ITK: variants seen among roughly 807,000 people sequenced by gnomAD.
ITK encodes the protein tyrosine-protein kinase ITK/TSK.
ITK carries 45 observed loss-of-function variants against 87.6 expected under a neutral mutation model. The ratio of observed to expected loss-of-function variants is 0.51; its 90% CI spans 0.40 to 0.66. The LOEUF (loss-of-function observed/expected upper bound fraction) is 0.66, where lower values mean the gene tolerates loss of function less well. ITK is among the 30% of genes least tolerant of loss of function. The probability of loss-of-function intolerance (pLI) is 0.00; values close to 1 mark genes in which losing one functional copy is unlikely to be tolerated. For synonymous variants in ITK, 303 were observed against 273.6 expected (o/e 1.11, Z -1.06); for missense variants, 605 against 766.3 (o/e 0.79, Z 2.48).
At chr5:157,186,709 A>C (rs2434974) in intron 1 of ITK, among the ~76,000 whole-genome samples, 21,812 of 149,834 alleles carry the variant, frequency 0.15, 1,802 homozygotes, top group African/African-American at 0.22. Context: ...AGAGAGAGAG[A>C]GCCTTGGCAA....
At chr5:157,225,462 G>A (rs1268442403) in intron 6 of ITK, among the ~76,000 whole-genome samples, 1 of 150,582 alleles carries the variant, frequency 6.6e-6, no homozygotes, top group Non-Finnish European at 1.5e-5. Context: ...TCAATCTGAT[G>A]GGTTAAAAAA....
In ITK at chr5:157,211,163, T is replaced by A; in HGVS notation, c.244-124T>A. On this transcript the variant is annotated intron_variant, in intron 2 of 16. Transcript: ENST00000422843. Reference sequence around the variant, plus strand: ...ATAAAAAGGATACTGGCCCCCTAATTACCCAAATGTTTGCCTATATGACGA... The same window carrying A: ...ATAAAAAGGATACTGGCCCCCTAATAACCCAAATGTTTGCCTATATGACGA... 1.3e-5 allele frequency: 10 copies of A among 790,578 alleles called. No homozygotes were observed. In the East Asian group the frequency reaches 2.5e-4, roughly 20 times the overall value. 49.0% of individuals were successfully genotyped at this position (790,578 alleles called of 1,614,324 possible).
chr5:157,249,127 GCAA>G, intron 16 of ITK, 120 bp downstream of exon 16: 1 of 848,792 alleles, frequency 1.2e-6, no homozygotes, highest in Non-Finnish European at 2.0e-6. Flanking sequence ...ATATAGATTA[GCAA>G]CAACATGACT....
At position 157,243,751 on chromosome 5, in the gene ITK, G is replaced by A. The variant is rs1289799228; in HGVS notation, c.1189G>A (p.Ala397Thr). Residue 397 changes from alanine (A) to threonine (T), a missense_variant, in exon 12 of 17, where the codon GCT becomes ACT. Transcript: ENST00000422843. ...GGCTATCAAAACCATTCGGGAAGGG[G>A]CTATGTCAGAAGAGGACTTCATAGA... is the stretch of plus-strand genomic sequence containing the variant. ...KVAIKTIREG[A>T]MSEEDFIEEA... The A allele has an allele frequency of 6.2e-7, 1 of 1,614,050 alleles. No homozygotes were observed. The highest frequency in any genetic ancestry group is 1.3e-5 in the African/African-American group (1 of 75,002).
chr5:157,192,932 A>G (rs1327362525), intron 1 of ITK, among the ~76,000 whole-genome samples: 1 of 152,220 alleles, frequency 6.6e-6, no homozygotes, highest in Non-Finnish European at 1.5e-5. Flanking sequence ...TTCCAGTTCA[A>G]AAACATGGAA....
chr5:157,221,175 C>T (rs978974862), intron 5 of ITK, among the ~76,000 whole-genome samples: 10 of 151,202 alleles, frequency 6.6e-5, no homozygotes, highest in Non-Finnish European at 1.0e-4. Flanking sequence ...ATGAAATAGT[C>T]GAATTCTTGC....
chr5:157,208,448 GA>G (rs904201486), intron 1 of ITK, among the ~76,000 whole-genome samples: 3 of 150,792 alleles, frequency 2.0e-5, no homozygotes, highest in East Asian at 1.9e-4. Flanking sequence ...GCCAGAGGCA[GA>G]AAAAAAAAGG....
rs142450307 is a variant in ITK at position 157,208,505 on chromosome 5, A to G, written c.139-384A>G. The stretch of plus-strand genomic sequence containing the variant: ...ACAATCCAGGTCGGGTCCGAGCTCA[A>G]TTACTATGCTAATATGGTCATGGAT... On this transcript the variant is annotated intron_variant, in intron 1 of 16. Coordinates refer to ENST00000422843, the MANE Select transcript of ITK (RefSeq NM_005546.4). Among the ~76,000 whole-genome samples, 328 of 152,346 alleles carry G rather than the reference A, an allele frequency of 2.2e-3. 2 individuals are homozygous for G. The highest frequency in any genetic ancestry group is 7.5e-3 in the African/African-American group (313 of 41,570).
At chr5:157,238,054 G>A (rs1236753664) in intron 8 of ITK, 55 bp from the exon 9 acceptor site, 2 of 1,306,036 alleles carry the variant, frequency 1.5e-6, no homozygotes, top group Non-Finnish European at 2.2e-6. Flanking sequence ...GGAGCTGGAG[G>A]CATAAGCCTG....
rs1580869331 is a variant in ITK, at chr5:157,181,123, A to G, written c.138+8A>G. On this transcript the variant is annotated splice_region_variant and intron_variant, in intron 1 of 16. Coordinates refer to ENST00000422843, the MANE Select transcript of ITK (RefSeq NM_005546.4). ...TTTGAAGATCGTCATGGGGTATGTGAGCAGTTTCATTTGTCTTTTTTCGCA... is the reference window on the plus strand; with the variant it reads ...TTTGAAGATCGTCATGGGGTATGTGGGCAGTTTCATTTGTCTTTTTTCGCA... 1 of 1,613,982 alleles carries G rather than the reference A, an allele frequency of 6.2e-7. No individual in the cohort carries two copies. The highest frequency in any genetic ancestry group is 2.2e-5 in the East Asian group (1 of 44,884).
rs147523547 is a variant in ITK, at chr5:157,192,985, A to G, written c.138+11870A>G. ...AATACCAACACTTTGAGAGGTTGGC[A>G]TTACAGGATCTCTTGACGGCACGAG... On this transcript the variant is annotated intron_variant, in intron 1 of 16. Coordinates refer to ENST00000422843, the MANE Select transcript of ITK (RefSeq NM_005546.4). Among the ~76,000 whole-genome samples the G allele has an allele frequency of 4.6e-5, 7 of 152,314 alleles. No individual in the cohort carries two copies. The East Asian group carries it at 1.4e-3, about 29-fold the overall frequency.
chr5:157,214,457 G>T (rs1754256310), intron 4 of ITK, 138 bp downstream of exon 4: 1 of 748,832 alleles, frequency 1.3e-6, no homozygotes, highest in African/African-American at 1.7e-5. Context: ...GGAATCATCT[G>T]TCTTTCCTAC....
chr5:157,249,097 T>C, intron 16 of ITK, 90 bp downstream of exon 16: 1 of 1,139,054 alleles, frequency 8.8e-7, no homozygotes, highest in Non-Finnish European at 1.3e-6. Flanking sequence ...CTCAGAAGGA[T>C]GAGGCAGGAG....
At chr5:157,191,116 T>G (rs1437416346) in intron 1 of ITK, among the ~76,000 whole-genome samples, 3 of 145,756 alleles carry the variant, frequency 2.1e-5, no homozygotes, top group African/African-American at 8.0e-5. Flanking sequence ...TTGTCTTATG[T>G]TTTTTTATTT....
rs75633188 is a variant in ITK, at chr5:157,250,764, G to A, written c.1791+1757G>A. Among the ~76,000 whole-genome samples the A allele has an allele frequency of 2.9e-3, 442 of 152,068 alleles. 4 individuals carry two copies. The highest frequency in any genetic ancestry group is 1.0e-2 in the African/African-American group (414 of 41,504). On this transcript the variant is annotated intron_variant, in intron 16 of 16. Transcript: ENST00000422843. The stretch of plus-strand genomic sequence containing the variant: ...GCAATCAATCCACCTCAGGCCTCCC[G>A]TAGTGCTGGGATTATAAGTGTGAGT...
chr5:157,236,466 C>A (rs1483310732), intron 8 of ITK, among the ~76,000 whole-genome samples: 1 of 151,978 alleles, frequency 6.6e-6, no homozygotes, highest in Admixed American at 6.6e-5. Flanking sequence ...AGATATGTGC[C>A]CACAGGCAAA....
intron 9 of ITK, among the ~76,000 whole-genome samples, chr5:157,239,307 C>A (rs1754839567): frequency 6.6e-6 from 1 of 152,130 alleles, no homozygotes; most frequent in Non-Finnish European, 1.5e-5. Flanking sequence ...CACAAGCTTC[C>A]AAGAGTCCTC....
chr5:157,222,239 T>C (rs1754434579), intron 5 of ITK, among the ~76,000 whole-genome samples: 1 of 152,118 alleles, frequency 6.6e-6, no homozygotes, highest in Admixed American at 6.6e-5. Context: ...TTGTGGTCTT[T>C]TCTTCATGTC....
At position 157,245,888 on chromosome 5, in the gene ITK, C is replaced by G. The variant is rs770592423; in HGVS notation, c.1522C>G (p.Leu508Val). 6.2e-7 allele frequency: 1 copy of G among 1,613,942 alleles called. No homozygotes were observed. Among genetic ancestry groups the G allele is most frequent in the East Asian group, 2.2e-5 (1 of 44,886 alleles). ...VSDFGMTRFV[L>V]DDQYTSSTGT... ...CCTCCACTCTCTTCCCAGGTTCGTT[C>G]TGGATGATCAGTACACCAGTTCCAC... is the stretch of plus-strand genomic sequence containing the variant. Residue 508 changes from leucine (L) to valine (V), a missense_variant, in exon 15 of 17, where the codon CTG (leucine) becomes GTG (valine). By Grantham distance (32) the Leu-to-Val change is conservative. Around this residue, in one of 3 missense-constraint regions of ITK, gnomAD observed 70 missense variants for 122.5 expected, o/e 0.57. Transcript: ENST00000422843.
Sources: gnomAD v4.1 joint callset for allele counts (sites outside exome capture counted in the v4.1 genomes callset) on GRCh38, gnomAD v4.1.1 for gene constraint, gnomAD v4.1.1 regional missense constraint, MANE v1.5 for transcripts, NCBI Gene and HGNC (gene_info 2026-07-23, HGNC 2026-07-21) for gene names.